Variants in PDE3B observed in about 807,000 individuals in gnomAD.
The protein encoded by PDE3B is cGMP-inhibited 3',5'-cyclic phosphodiesterase 3B.
PDE3B carries 66 observed loss-of-function variants against 116.8 expected under a neutral mutation model. The observed-to-expected ratio is 0.56, with a 90% CI of 0.46 to 0.69. The LOEUF (loss-of-function observed/expected upper bound fraction) is 0.69, where lower values mean the gene tolerates loss of function less well. Among genes scored for constraint, PDE3B ranks in the 30% least tolerant of loss-of-function variants. The pLI is 0.00. For missense variants in PDE3B, 1,384 were observed against 1,368.1 expected, an observed-to-expected ratio of 1.01 and a Z score of -0.18; for synonymous variants, 595 against 533.6, an observed-to-expected ratio of 1.12 and a Z score of -1.59.
chr11:14,652,843 G>A (rs1853607361), intron 1 of PDE3B, among the ~76,000 whole-genome samples: 1 of 152,100 alleles, frequency 6.6e-6, no homozygotes, highest in Non-Finnish European at 1.5e-5. Flanking sequence ...GATAGAGATT[G>A]CCTTGAATCT....
intron 2 of PDE3B, chr11:14,773,557 C>T (rs1857703505): frequency 6.6e-6 from 1 of 152,150 alleles, no homozygotes; most frequent in Admixed American, 6.5e-5. Flanking sequence ...GGTATTATTT[C>T]CTCCTTTAAT....
At chr11:14,666,551 A>C (rs1399057539) in intron 1 of PDE3B, among the ~76,000 whole-genome samples, 2 of 151,790 alleles carry the variant, frequency 1.3e-5, no homozygotes, top group South Asian at 4.2e-4. Flanking sequence ...AAGGGCTAAT[A>C]TCCAGAATCT....
chr11:14,828,856 C>T (rs541362820), intron 7 of PDE3B, among the ~76,000 whole-genome samples: 181 of 152,200 alleles, frequency 1.2e-3, no homozygotes, highest in African/African-American at 3.9e-3. Flanking sequence ...AAGCCACATG[C>T]GTGTGTATGT....
chr11:14,880,112 T>G, the PDE3B span: 53 of 1,611,248 alleles, frequency 3.3e-5, no homozygotes, highest in Non-Finnish European at 4.2e-5. Context: ...GGATAGACCC[T>G]GAGATCATCA....
intron 7 of PDE3B, among the ~76,000 whole-genome samples, chr11:14,827,883 G>C (rs1454931833): frequency 6.6e-6 from 1 of 152,182 alleles, no homozygotes; most frequent in African/African-American, 2.4e-5. Context: ...AAAGAACAAA[G>C]CTGGAGGCAT....
chr11:14,666,815 A>G (rs1295438328), intron 1 of PDE3B, among the ~76,000 whole-genome samples: 1 of 152,230 alleles, frequency 6.6e-6, no homozygotes, highest in African/African-American at 2.4e-5. Context: ...GAGAAATAGG[A>G]ACACTTTTAC....
Position 14,644,915 on chromosome 11 carries a change from T to A in PDE3B, c.840T>A (p.Ser280Arg). ...REAPLHPRLS[S>R]AAEEKVPVIR... ...CGCCTCTTCATCCTCGACTGTCCAG[T>A]GCCGCCGAAGAAAAAGTGCCTGTGA... The change falls in exon 1 of 16, where the codon AGT becomes AGA. Residue 280 changes from serine to arginine, a missense_variant. Physicochemically the swap from Ser to Arg is moderately radical, Grantham distance 110. This residue lies in a region of PDE3B where 956 missense variants were observed against 806.8 expected (regional missense o/e 1.18). Transcript: ENST00000282096. 1.2e-6 allele frequency: 2 copies of A among 1,614,088 alleles called. No individual in the cohort carries two copies. The highest frequency in any genetic ancestry group is 1.1e-5 in the South Asian group (1 of 91,076).
intron 1 of PDE3B, among the ~76,000 whole-genome samples, chr11:14,732,811 A>G (rs1013374711): frequency 5.3e-5 from 8 of 152,204 alleles, no homozygotes; most frequent in South Asian, 2.1e-4. Flanking sequence ...AGCCATGTAT[A>G]TAAGTGGACT....
At chr11:14,748,623 G>A (rs1396553732) in intron 1 of PDE3B, among the ~76,000 whole-genome samples, 1 of 152,066 alleles carries the variant, frequency 6.6e-6, no homozygotes, top group African/African-American at 2.4e-5. Flanking sequence ...TAGCAGAATG[G>A]TTATTACACT....
chr11:14,796,670 T>G (rs1175179487), intron 4 of PDE3B, among the ~76,000 whole-genome samples: 1 of 152,230 alleles, frequency 6.6e-6, no homozygotes, highest in Non-Finnish European at 1.5e-5. Flanking sequence ...TGTCTTCTTT[T>G]GAGAAGTGTC....
chr11:14,859,014 C>T, intron 12 of PDE3B, 29 bp from the exon 13 acceptor site: 2 of 1,500,240 alleles, frequency 1.3e-6, no homozygotes, highest in Non-Finnish European at 1.8e-6. Context: ...TTTGAGGTGT[C>T]TGCCTCATTT....
chr11:14,672,234 G>T (rs1286757523), intron 1 of PDE3B, among the ~76,000 whole-genome samples: 1 of 151,460 alleles, frequency 6.6e-6, no homozygotes, highest in Non-Finnish European at 1.5e-5. Context: ...TATTAATTTT[G>T]CACTTAATGC....
intron 1 of PDE3B, among the ~76,000 whole-genome samples, chr11:14,676,792 A>G (rs1854544131): frequency 6.6e-6 from 1 of 152,010 alleles, no homozygotes. Flanking sequence ...TTACCTCTTC[A>G]TTTTCCAAAT....
chr11:14,683,392 G>A (rs1269589639), intron 1 of PDE3B, among the ~76,000 whole-genome samples: 1 of 151,752 alleles, frequency 6.6e-6, no homozygotes, highest in Non-Finnish European at 1.5e-5. Flanking sequence ...TCTCATCATT[G>A]GTGAGCTTTG....
chr11:14,690,140 G>A (rs1392044298), intron 1 of PDE3B, among the ~76,000 whole-genome samples: 1 of 152,136 alleles, frequency 6.6e-6, no homozygotes, highest in Non-Finnish European at 1.5e-5. Context: ...ATATGGACGT[G>A]TCCTATAATG....
At chr11:14,884,105 T>C in the PDE3B span, among the ~76,000 whole-genome samples, 2 of 152,062 alleles carry the variant, frequency 1.3e-5, no homozygotes, top group African/African-American at 2.4e-5. Flanking sequence ...AGTTCAACCA[T>C]TGTGGAAGTC....
chr11:14,835,084 G>A lies in PDE3B; in HGVS notation c.2309G>A (p.Gly770Glu). The change falls in exon 11 of 16, where the codon GGA becomes GAA. Residue 770 changes from glycine to glutamate, a missense_variant. Gly to Glu is a moderately conservative substitution (Grantham distance 98). This residue lies in a region of PDE3B where 428 missense variants were observed against 561.4 expected (regional missense o/e 0.76). Coordinates refer to ENST00000282096, the MANE Select transcript of PDE3B (RefSeq NM_000922.4). ...LQQIHNGCGT[G>E]NETDSDGRIN... ...CAGATCCACAATGGTTGTGGAACAG[G>A]AAATGAAACAGGTACTTCCTTCTAC... The A allele has an allele frequency of 6.3e-7, 1 of 1,598,306 alleles. No individual in the cohort carries two copies. Among genetic ancestry groups the A allele is most frequent in the Non-Finnish European group, 8.6e-7 (1 of 1,168,188 alleles).
At chr11:14,766,906 A>T (rs1358921065) in intron 1 of PDE3B, among the ~76,000 whole-genome samples, 3 of 151,704 alleles carry the variant, frequency 2.0e-5, no homozygotes, top group Non-Finnish European at 3.0e-5. Flanking sequence ...TTCTTCCTCA[A>T]GTGTATTACA....
In PDE3B at chr11:14,827,031, A is replaced by G. The variant is rs559979558; in HGVS notation, c.1808-3667A>G. 3.3e-4 allele frequency among the ~76,000 whole-genome samples: 50 copies of G among 152,338 alleles called. No homozygotes were observed. The South Asian group carries it at 9.9e-3, about 30-fold the overall frequency. On this transcript the variant is annotated intron_variant, in intron 7 of 15. Coordinates refer to ENST00000282096, the MANE Select transcript of PDE3B (RefSeq NM_000922.4). ...TGGTTCAACATATGCAAATCAGTCA[A>G]CCTGATTCATCACATAAACAGAACT...
Sources: allele counts gnomAD v4.1 joint callset (sites outside exome capture counted in the v4.1 genomes callset), GRCh38; gene constraint gnomAD v4.1.1; regional missense constraint gnomAD v4.1.1; transcripts MANE v1.5; gene names NCBI Gene and HGNC (gene_info 2026-07-23, HGNC 2026-07-21).